Variants in LARP4B observed in about 807,000 individuals in gnomAD.
The protein encoded by LARP4B is La ribonucleoprotein 4B.
LARP4B carries 12 observed loss-of-function variants against 89.8 expected under a neutral mutation model. The observed-to-expected ratio is 0.13, with a 90% CI of 0.09 to 0.22. LARP4B has a LOEUF of 0.22. Among genes scored for constraint, LARP4B ranks in the 10% least tolerant of loss-of-function variants. LARP4B has a pLI of 1.00. For synonymous variants in LARP4B, 367 were observed against 363.3 expected, an observed-to-expected ratio of 1.01 and a Z score of -0.12; for missense variants, 757 against 947.7, an observed-to-expected ratio of 0.80 and a Z score of 2.64.
At chr10:847,173 T>C (rs1412374679) in intron 5 of LARP4B, among the ~76,000 whole-genome samples, 1 of 151,930 alleles carries the variant, frequency 6.6e-6, no homozygotes, top group Non-Finnish European at 1.5e-5. Flanking sequence ...TGTTCTACAG[T>C]GGAAGATGGG....
chr10:830,512 T>C (rs1056265550), intron 9 of LARP4B, among the ~76,000 whole-genome samples: 2 of 152,218 alleles, frequency 1.3e-5, no homozygotes, highest in Admixed American at 1.3e-4. Flanking sequence ...ATTAAAAGCA[T>C]CTTCCAAAAT....
intron 1 of LARP4B, among the ~76,000 whole-genome samples, chr10:922,867 G>T (rs1181165332): frequency 6.6e-6 from 1 of 152,144 alleles, no homozygotes; most frequent in African/African-American, 2.4e-5. Context: ...GAGGTCAGGA[G>T]ATTGAGTCCA....
chr10:832,307 T>C (rs1286596772), intron 8 of LARP4B, among the ~76,000 whole-genome samples: 6 of 152,126 alleles, frequency 3.9e-5, no homozygotes, highest in Non-Finnish European at 8.8e-5. Context: ...CCTCCCAAAG[T>C]GCTGGGATTA....
chr10:829,346 G>A (rs1476728166), intron 11 of LARP4B, 39 bp downstream of exon 11: 1 of 1,488,270 alleles, frequency 6.7e-7, no homozygotes, highest in East Asian at 2.3e-5. Flanking sequence ...ATCTAGCATA[G>A]TGTCTACAAC....
the LARP4B span, among the ~76,000 whole-genome samples, chr10:949,359 C>A: frequency 1.3e-5 from 2 of 152,062 alleles, no homozygotes; most frequent in African/African-American, 4.8e-5. Flanking sequence ...GCGGCTGTAC[C>A]ATCTTACATC....
chr10:818,855 C>G (rs992443210), intron 14 of LARP4B: 16 of 152,218 alleles, frequency 1.1e-4, no homozygotes, highest in Admixed American at 1.0e-3. Flanking sequence ...AGTTTATACA[C>G]AGGAAGGTGA....
chr10:977,981 G>T, the LARP4B span, among the ~76,000 whole-genome samples: 1 of 152,180 alleles, frequency 6.6e-6, no homozygotes, highest in Admixed American at 6.5e-5. Flanking sequence ...CGCCTAGGGT[G>T]TGCCAGATGA....
chr10:938,795 G>A, the LARP4B span, among the ~76,000 whole-genome samples: 3 of 152,194 alleles, frequency 2.0e-5, no homozygotes, highest in East Asian at 3.8e-4. Flanking sequence ...ATAAGTGGCT[G>A]CAATTTGTCT....
At chr10:836,755 A>C (rs1833242697) in intron 7 of LARP4B, among the ~76,000 whole-genome samples, 1 of 152,228 alleles carries the variant, frequency 6.6e-6, no homozygotes, top group Non-Finnish European at 1.5e-5. Context: ...AGAGCAGATG[A>C]AAATACAGGG....
intron 8 of LARP4B, among the ~76,000 whole-genome samples, chr10:833,364 G>A (rs1045060893): frequency 6.6e-6 from 1 of 150,416 alleles, no homozygotes; most frequent in African/African-American, 2.4e-5. Flanking sequence ...CCGCCCACGG[G>A]CTGAAGAAGC....
chr10:856,942 G>T (rs1024388546), intron 5 of LARP4B, among the ~76,000 whole-genome samples: 2 of 152,080 alleles, frequency 1.3e-5, no homozygotes, highest in Non-Finnish European at 2.9e-5. Context: ...TAAGAGGGGA[G>T]GAAAGAAGAG....
chr10:927,936 T>A (rs1362928084), intron 1 of LARP4B, among the ~76,000 whole-genome samples: 1 of 152,102 alleles, frequency 6.6e-6, no homozygotes, highest in African/African-American at 2.4e-5. Context: ...TTTGGCCAGG[T>A]ACGCCGTGGC....
the LARP4B span, chr10:972,873 G>C: frequency 2.2e-6 from 1 of 456,940 alleles, no homozygotes; most frequent in South Asian, 1.5e-5. Context: ...TGGCAGTTCT[G>C]TCTGTTGTTT....
chr10:909,023 G>C (rs577841050), intron 1 of LARP4B, among the ~76,000 whole-genome samples: 1 of 152,106 alleles, frequency 6.6e-6, no homozygotes, highest in African/African-American at 2.4e-5. Flanking sequence ...GGCCAGGCGC[G>C]GTGGCTCATG....
chr10:836,178 A>T (rs1346553178), intron 8 of LARP4B, among the ~76,000 whole-genome samples: 1 of 152,156 alleles, frequency 6.6e-6, no homozygotes, highest in East Asian at 1.9e-4. Context: ...GAAATGCATA[A>T]ACCTTCACTA....
Position 925,365 on chromosome 10 carries a change from T to C in LARP4B, c.-40+6063A>G, listed in dbSNP as rs530134613. ...AGTGGCCCTCCTTTATGCCAGGCCC[T>C]TTAGCAATACTTAACAGAAAATAAA... On this transcript the variant is annotated intron_variant, in intron 1 of 17. Coordinates refer to ENST00000316157, the MANE Select transcript of LARP4B (RefSeq NM_015155.3). Among the ~76,000 whole-genome samples the C allele has an allele frequency of 4.6e-5, 7 of 152,304 alleles. No homozygotes were observed. The East Asian group carries it at 1.3e-3, about 29-fold the overall frequency.
At chr10:897,987 C>CAAAAAAAAAAAAAAAAAA (rs58452748) in intron 1 of LARP4B, among the ~76,000 whole-genome samples, 1 of 25,626 alleles carries the variant, frequency 3.9e-5, no homozygotes, top group African/African-American at 1.8e-4. Flanking sequence ...GGCTCCATCT[C>CAAAAAAAAAAAAAAAAAA]AAAAAAAAAA....
chr10:873,538 G>C (rs1047281491), intron 3 of LARP4B: 2 of 420,122 alleles, frequency 4.8e-6, no homozygotes, highest in Non-Finnish European at 6.4e-6. Flanking sequence ...TGGGATGGTG[G>C]TAACTAAATA....
intron 1 of LARP4B, among the ~76,000 whole-genome samples, chr10:900,256 A>C (rs2131983655): frequency 6.6e-6 from 1 of 152,202 alleles, no homozygotes; most frequent in Non-Finnish European, 1.5e-5. Context: ...CTGAGGCAGG[A>C]GAATTGCTTG....
Sources: allele counts gnomAD v4.1 joint callset (sites outside exome capture counted in the v4.1 genomes callset), GRCh38; gene constraint gnomAD v4.1.1; transcripts MANE v1.5; gene names NCBI Gene and HGNC (gene_info 2026-07-23, HGNC 2026-07-21).